Variants in ZNF365 observed in about 807,000 individuals in gnomAD.
ZNF365 encodes the protein zinc finger protein 365, also known as protein ZNF365.
A neutral mutation model predicts 35.0 loss-of-function variants in ZNF365; 22 were observed. The ratio of observed to expected loss-of-function variants is 0.63; its 90% CI spans 0.45 to 0.90. ZNF365 has a LOEUF of 0.90. Among genes scored for constraint, ZNF365 ranks in the 40% least tolerant of loss-of-function variants. ZNF365 has a pLI of 0.00. For missense variants in ZNF365, 448 were observed against 500.3 expected, an observed-to-expected ratio of 0.90 and a Z score of 1.00; for synonymous variants, 188 against 196.2, an observed-to-expected ratio of 0.96 and a Z score of 0.35.
In ZNF365 at chr10:62,400,520, C is replaced by G. The variant is rs1839809649; in HGVS notation, c.*731C>G. 1.0e-6 allele frequency: 1 copy of G among 985,874 alleles called. No individual in the cohort carries two copies. Among genetic ancestry groups the G allele is most frequent in the African/African-American group, 1.7e-5 (1 of 57,222 alleles). 61.1% of individuals were successfully genotyped at this position (985,874 alleles called of 1,614,324 possible). On this transcript the variant is annotated 3_prime_UTR_variant, in exon 5 of 5. Transcript: ENST00000395254. ...CACCCACAGACCATGCTGCCAGCCT[C>G]TATCTTAATAGCTGCTTCTGTGGAT...
chr10:62,415,057 A>T (rs1840051817), intron 3 of ZNF365, among the ~76,000 whole-genome samples: 1 of 146,714 alleles, frequency 6.8e-6, no homozygotes, highest in Non-Finnish European at 1.5e-5. Context: ...TCTCTGAGAA[A>T]TTCCTCATTT....
At chr10:62,428,379 C>T (rs1840281897) in intron 3 of ZNF365, among the ~76,000 whole-genome samples, 1 of 152,030 alleles carries the variant, frequency 6.6e-6, no homozygotes. Context: ...GGGGTCATTT[C>T]CCCCATGCTA....
intron 3 of ZNF365, among the ~76,000 whole-genome samples, chr10:62,418,501 G>T (rs1840115601): frequency 1.3e-5 from 2 of 151,964 alleles, no homozygotes; most frequent in African/African-American, 2.4e-5. Context: ...CAGAAGGGGT[G>T]CCTGAGACAG....
chr10:62,411,905 A>G (rs1839990138), intron 3 of ZNF365, among the ~76,000 whole-genome samples: 1 of 152,150 alleles, frequency 6.6e-6, no homozygotes, highest in African/African-American at 2.4e-5. Context: ...AAGATCTCAG[A>G]TTAACAACCT....
chr10:62,394,624 A>AT (rs1839691192), intron 3 of ZNF365, among the ~76,000 whole-genome samples: 1 of 152,208 alleles, frequency 6.6e-6, no homozygotes, highest in South Asian at 2.1e-4. Flanking sequence ...AGCATATTAT[A>AT]TTTTTAGAAA....
intron 3 of ZNF365, among the ~76,000 whole-genome samples, chr10:62,442,868 G>A (rs1840524145): frequency 6.6e-6 from 1 of 152,180 alleles, no homozygotes; most frequent in Non-Finnish European, 1.5e-5. Context: ...CCCCAGGAAT[G>A]AGGACGGACT....
At chr10:62,478,251 A>G (rs1392498585) in intron 4 of ZNF365, among the ~76,000 whole-genome samples, 1 of 152,132 alleles carries the variant, frequency 6.6e-6, no homozygotes, top group Non-Finnish European at 1.5e-5. Context: ...CATAATAAAC[A>G]TGCCCATTTG....
chr10:62,419,336 A>T (rs1840129422), intron 3 of ZNF365, among the ~76,000 whole-genome samples: 1 of 152,104 alleles, frequency 6.6e-6, no homozygotes, highest in Non-Finnish European at 1.5e-5. Flanking sequence ...GCACATAATG[A>T]TATTTATCAA....
At chr10:62,432,507 G>A (rs1027060346) in intron 3 of ZNF365, among the ~76,000 whole-genome samples, 1 of 152,040 alleles carries the variant, frequency 6.6e-6, no homozygotes, top group Non-Finnish European at 1.5e-5. Context: ...CACTGAAATG[G>A]GTACCTTAGT....
chr10:62,462,857 G>C lies in ZNF365; in HGVS notation c.981+3060G>C, dbSNP rs906852392. Reference sequence around the variant, plus strand: ...ACCTATTTCAAATATTGAATGCCTTGCTAATGGGAAAGATTTGCTGACAGC... The same window carrying C: ...ACCTATTTCAAATATTGAATGCCTTCCTAATGGGAAAGATTTGCTGACAGC... On this transcript the variant is annotated intron_variant, in intron 4 of 4. Transcript: ENST00000395255. Among the ~76,000 whole-genome samples, 9 of 152,272 alleles carry C rather than the reference G, an allele frequency of 5.9e-5. No individual in the cohort carries two copies. The East Asian group carries it at 1.7e-3, about 29-fold the overall frequency.
chr10:62,400,040 G>T lies in ZNF365; in HGVS notation c.*251G>T. On this transcript the variant is annotated 3_prime_UTR_variant, in exon 5 of 5. Coordinates refer to ENST00000395254, the MANE Select transcript of ZNF365 (RefSeq NM_014951.3). ...ATAAAAAAATTAAATCAATCTTAAA[G>T]CTCTAACTTCTAAAGTAACTGGCCC... 3 of 1,245,194 alleles carry T rather than the reference G, an allele frequency of 2.4e-6. No homozygotes were observed. Among genetic ancestry groups the T allele is most frequent in the Non-Finnish European group, 3.0e-6 (3 of 991,822 alleles). 77.1% of individuals were successfully genotyped at this position (1,245,194 alleles called of 1,614,324 possible). A position where few individuals can be genotyped will look rare whatever the true frequency, so the allele number is the denominator to read the frequency against.
In ZNF365 at chr10:62,400,628, C is replaced by T. The variant is rs933272317; in HGVS notation, c.*839C>T. 2 of 985,690 alleles carry T rather than the reference C, an allele frequency of 2.0e-6. No individual in the cohort carries two copies. Among genetic ancestry groups the T allele is most frequent in the Non-Finnish European group, 2.4e-6 (2 of 829,978 alleles). 61.1% of individuals were successfully genotyped at this position (985,690 alleles called of 1,614,324 possible). A position where few individuals can be genotyped will look rare whatever the true frequency, so the allele number is the denominator to read the frequency against. ...GCTAGGTGGTTGGAATGACAGTGGA[C>T]TGCACGCTTGGTGCATCGTGCATCG... On this transcript the variant is annotated 3_prime_UTR_variant, in exon 5 of 5. Coordinates refer to ENST00000395254, the MANE Select transcript of ZNF365 (RefSeq NM_014951.3).
intron 3 of ZNF365, among the ~76,000 whole-genome samples, chr10:62,437,392 AT>A (rs1275341427): frequency 6.6e-6 from 1 of 152,216 alleles, no homozygotes; most frequent in Non-Finnish European, 1.5e-5. Flanking sequence ...CTTTCTGGAA[AT>A]TCTACGCACG....
At chr10:62,434,551 C>T (rs1255476554) in intron 3 of ZNF365, among the ~76,000 whole-genome samples, 1 of 152,028 alleles carries the variant, frequency 6.6e-6, no homozygotes, top group South Asian at 2.1e-4. Context: ...AATTAGATGT[C>T]GGTGGGACTG....
At chr10:62,399,324 A>G (rs1318060672) in intron 4 of ZNF365, among the ~76,000 whole-genome samples, 1 of 152,152 alleles carries the variant, frequency 6.6e-6, no homozygotes, top group Non-Finnish European at 1.5e-5. Context: ...CTCCCTGGGA[A>G]TTTAGTACCA....
intron 3 of ZNF365, among the ~76,000 whole-genome samples, chr10:62,415,306 C>T (rs558940946): frequency 2.0e-5 from 3 of 152,102 alleles, no homozygotes; most frequent in African/African-American, 4.8e-5. Flanking sequence ...CCAGTGTGTT[C>T]GCCCTTTCCA....
rs1273248023 is a variant in ZNF365 at position 62,401,604 on chromosome 10, A to C, written c.*1815A>C. 1.0e-6 allele frequency: 1 copy of C among 983,778 alleles called. No homozygotes were observed. Among genetic ancestry groups the C allele is most frequent in the African/African-American group, 1.7e-5 (1 of 57,176 alleles). 60.9% of individuals were successfully genotyped at this position (983,778 alleles called of 1,614,324 possible). ...AATTGTAATGTTATAATTATTATTTATTTGGAGAATTAACTTCCCCCTCTA... is the reference window on the plus strand; with the variant it reads ...AATTGTAATGTTATAATTATTATTTCTTTGGAGAATTAACTTCCCCCTCTA... On this transcript the variant is annotated 3_prime_UTR_variant, in exon 5 of 5. Coordinates refer to ENST00000395254, the MANE Select transcript of ZNF365 (RefSeq NM_014951.3).
At position 62,376,439 on chromosome 10, in the gene ZNF365, G is replaced by A. The variant is rs1291180484; in HGVS notation, c.246G>A (p.Pro82=). The A allele has an allele frequency of 3.7e-6, 6 of 1,614,114 alleles. No individual in the cohort carries two copies. The East Asian group carries it at 6.7e-5, about 18-fold the overall frequency. ...TCACTTCCTCAGAACTCCTGAAACC[G>A]GGAAAATTGCAGAGCAGTGGCAACG... ...DLVTSSELLK[P]GKLQSSGNVV... is the part of the protein sequence containing the mutation. Residue 82 remains proline, a synonymous_variant, in exon 2 of 5, where the codon CCG becomes CCA. Coordinates refer to ENST00000395254, the MANE Select transcript of ZNF365 (RefSeq NM_014951.3).
rs766135043 is a variant in ZNF365 at position 62,444,286 on chromosome 10, T to G, written c.925-15455T>G. On this transcript the variant is annotated intron_variant, in intron 3 of 4. Coordinates refer to the ZNF365 transcript ENST00000395255. The stretch of plus-strand genomic sequence containing the variant: ...TCTTGGTGTGCTGGCTGATTTTGAG[T>G]TGAGTTTGGCCATTGAGAGGCCCCG... Among the ~76,000 whole-genome samples the G allele has an allele frequency of 2.5e-4, 38 of 152,106 alleles. 1 individual carries two copies. Among genetic ancestry groups the G allele is most frequent in the Non-Finnish European group, 2.9e-5 (2 of 68,008 alleles).
Sources: allele counts gnomAD v4.1 joint callset (sites outside exome capture counted in the v4.1 genomes callset), GRCh38; gene constraint gnomAD v4.1.1; transcripts MANE v1.5; gene names NCBI Gene and HGNC (gene_info 2026-07-23, HGNC 2026-07-21).